IARS2: variants seen among roughly 807,000 people sequenced by gnomAD.
The protein encoded by IARS2 is isoleucyl-tRNA synthetase 2, mitochondrial.
Under a neutral mutation model 126.3 loss-of-function variants are expected in IARS2, and 56 were observed. That is an observed-to-expected ratio of 0.44 (90% CI 0.36 to 0.55). The LOEUF (loss-of-function observed/expected upper bound fraction) is 0.55. Ranked by LOEUF, IARS2 falls within the 20% of genes least tolerant of loss-of-function variation. The pLI is 0.00. For missense variants in IARS2, 1,127 were observed against 1,245.9 expected, an observed-to-expected ratio of 0.90 and a Z score of 1.44; for synonymous variants, 407 against 441.1, an observed-to-expected ratio of 0.92 and a Z score of 0.97.
rs770248468 is a variant in IARS2 at position 220,110,772 on chromosome 1, T to A, written c.1328-14T>A. ...TTTTTAATTATGTCTAATTTGGTGTTTTTTTTTTTAAAGTTATAAAGATGC... is the reference window on the plus strand; with the variant it reads ...TTTTTAATTATGTCTAATTTGGTGTATTTTTTTTTAAAGTTATAAAGATGC... On this transcript the variant is annotated splice_polypyrimidine_tract_variant and intron_variant, in intron 10 of 22. Transcript: ENST00000366922. 4 of 1,541,834 alleles carry A rather than the reference T, an allele frequency of 2.6e-6. No individual in the cohort carries two copies. The Admixed American group carries it at 8.0e-5, about 31-fold the overall frequency.
At position 220,147,819 on chromosome 1, in the gene IARS2, G is replaced by GTATA. The variant is rs1657638068; in HGVS notation, c.*189_*192dup. Reference sequence around the variant, plus strand: ...TTCCTGTAACTATAGAAAGAATTATGTATATATACATGCAGAAATATATAT... The same window carrying GTATA: ...TTCCTGTAACTATAGAAAGAATTATGTATATATATATACATGCAGAAATATATAT... On this transcript the variant is annotated 3_prime_UTR_variant, in exon 23 of 23. Coordinates refer to ENST00000366922, the MANE Select transcript of IARS2 (RefSeq NM_018060.4). 1 of 598,654 alleles carries GTATA rather than the reference G, an allele frequency of 1.7e-6. No individual in the cohort carries two copies. Among genetic ancestry groups the GTATA allele is most frequent in the Admixed American group, 3.0e-5 (1 of 33,608 alleles). The allele number at this position is 598,654 out of a possible 1,614,324, so 37.1% of individuals were successfully genotyped here.
rs1358359350 is a variant in IARS2 at position 220,094,311 on chromosome 1, G to T, written c.95G>T (p.Gly32Val). 6.2e-7 allele frequency: 1 copy of T among 1,612,596 alleles called. No homozygotes were observed. Among genetic ancestry groups the T allele is most frequent in the East Asian group, 2.2e-5 (1 of 44,830 alleles). ...ACGCCCCGCCTTCCCTGCAGCCCGG[G>T]ATGGCAAGGGGCGACGAAGAGGCTT... Reference protein sequence around the residue: ...WGTPRLPCSPGWQGATKRLLV... With the variant: ...WGTPRLPCSPVWQGATKRLLV... Residue 32 changes from glycine (G) to valine (V), a missense_variant, in exon 1 of 23, where the codon GGA (glycine) becomes GTA (valine). Gly to Val is a moderately radical substitution (Grantham distance 109, BLOSUM62 -3). Coordinates refer to ENST00000366922, the MANE Select transcript of IARS2 (RefSeq NM_018060.4).
In IARS2 at chr1:220,099,056, C is replaced by A. The variant is rs577718965; in HGVS notation, c.391-1434C>A. 2.0e-4 allele frequency among the ~76,000 whole-genome samples: 31 copies of A among 151,350 alleles called. 1 individual carries two copies. Among genetic ancestry groups the A allele is most frequent in the South Asian group, 1.3e-3 (6 of 4,788 alleles). On this transcript the variant is annotated intron_variant, in intron 2 of 22. Transcript: ENST00000366922. The stretch of plus-strand genomic sequence containing the variant: ...TAAAACCCCCTCTCTACTGAAAATA[C>A]AAAAAAATTAGCTGGGCATGGTGGC...
Position 220,139,068 on chromosome 1 carries a change from T to G in IARS2, c.2236T>G (p.Ser746Ala). Reference sequence around the variant, plus strand: ...GGCTGATTTCAACCCAGAAACAGATTCCATCCCTGTAAACGATATGTATGT... The same window carrying G: ...GGCTGATTTCAACCCAGAAACAGATGCCATCCCTGTAAACGATATGTATGT... The part of the protein sequence containing the change: ...NVADFNPETD[S>A]IPVNDMYVID... The change falls in exon 18 of 23, where the codon TCC becomes GCC. Residue 746 changes from serine to alanine, a missense_variant. Ser to Ala is a moderately conservative substitution (Grantham distance 99). Coordinates refer to ENST00000366922, the MANE Select transcript of IARS2 (RefSeq NM_018060.4). The G allele has an allele frequency of 6.2e-7, 1 of 1,613,114 alleles. No individual in the cohort carries two copies. Among genetic ancestry groups the G allele is most frequent in the Non-Finnish European group, 8.5e-7 (1 of 1,179,122 alleles).
At position 220,109,015 on chromosome 1, in the gene IARS2, A is replaced by C. The variant is rs1656745683; in HGVS notation, c.1328-1771A>C. On this transcript the variant is annotated intron_variant, in intron 10 of 22. Coordinates refer to ENST00000366922, the MANE Select transcript of IARS2 (RefSeq NM_018060.4). Reference sequence around the variant, plus strand: ...ATCAAAGGACAGTACGTTTTAAGCCAGTATGCTGCAGGATGTACACCTGAC... The same window carrying C: ...ATCAAAGGACAGTACGTTTTAAGCCCGTATGCTGCAGGATGTACACCTGAC... 2.0e-5 allele frequency among the ~76,000 whole-genome samples: 3 copies of C among 152,056 alleles called. No homozygotes were observed. The South Asian group carries it at 6.2e-4, about 32-fold the overall frequency.
At chr1:220,113,496 A>G (rs1009904628) in intron 11 of IARS2, among the ~76,000 whole-genome samples, 3 of 152,178 alleles carry the variant, frequency 2.0e-5, no homozygotes, top group Non-Finnish European at 4.4e-5. Context: ...ATTAGTAAAC[A>G]TTTTTGCTAT....
At chr1:220,141,988 C>G in intron 20 of IARS2, 40 bp downstream of exon 20, 1 of 1,588,068 alleles carries the variant, frequency 6.3e-7, no homozygotes, top group African/African-American at 1.3e-5. Context: ...GAGAAATATC[C>G]CTGATCAAGG....
intron 2 of IARS2, 119 bp downstream of exon 2, chr1:220,096,345 C>T (rs1032158547): frequency 1.4e-6 from 1 of 718,632 alleles, no homozygotes; most frequent in East Asian, 3.0e-5. Flanking sequence ...AAAACTAAAA[C>T]ATTTTCATAG....
rs148565915 is a variant in IARS2 at position 220,111,576 on chromosome 1, G to GTATA, written c.1479+659_1479+662dup. Among the ~76,000 whole-genome samples the GTATA allele has an allele frequency of 9.4e-3, 1,316 of 139,472 alleles. 12 individuals carry two copies. The highest frequency in any genetic ancestry group is 0.024 in the African/African-American group (901 of 36,822). 91.5% of individuals were successfully genotyped at this position (139,472 alleles called of 152,430 possible). On this transcript the variant is annotated intron_variant, in intron 11 of 22. Coordinates refer to ENST00000366922, the MANE Select transcript of IARS2 (RefSeq NM_018060.4). ...ATTTAATATGTATCTTTCTATATGGGTATATATATATATATATATATATGT... is the reference window on the plus strand; with the variant it reads ...ATTTAATATGTATCTTTCTATATGGGTATATATATATATATATATATATATATGT...
Position 220,147,793 on chromosome 1 carries a change from T to A in IARS2, c.*158T>A. On this transcript the variant is annotated 3_prime_UTR_variant, in exon 23 of 23. Coordinates refer to ENST00000366922, the MANE Select transcript of IARS2 (RefSeq NM_018060.4). Reference sequence around the variant, plus strand: ...CAAAATCAGAATTATAGAAGAAGTATTTCCTGTAACTATAGAAAGAATTAT... The same window carrying A: ...CAAAATCAGAATTATAGAAGAAGTAATTCCTGTAACTATAGAAAGAATTAT... 7.6e-6 allele frequency: 5 copies of A among 654,742 alleles called. No homozygotes were observed. The Admixed American group carries it at 1.2e-4, about 15-fold the overall frequency. The allele number at this position is 654,742 out of a possible 1,614,324, so 40.6% of individuals were successfully genotyped here. A position where few individuals can be genotyped will look rare whatever the true frequency, so the allele number is the denominator to read the frequency against.
chr1:220,118,641 C>T (rs907659673), intron 12 of IARS2, among the ~76,000 whole-genome samples: 1 of 152,088 alleles, frequency 6.6e-6, no homozygotes, highest in African/African-American at 2.4e-5. Flanking sequence ...TCATTTCAAA[C>T]AGTTATAATC....
intron 12 of IARS2, 58 bp from the exon 13 acceptor site, chr1:220,125,179 G>GT: frequency 1.0e-6 from 1 of 967,828 alleles, no homozygotes; most frequent in Non-Finnish European, 1.5e-6. Context: ...ATTTTAAAAT[G>GT]TTTGTTATTC....
chr1:220,146,503 G>A lies in IARS2; in HGVS notation c.2896+850G>A, dbSNP rs567890505. Among the ~76,000 whole-genome samples, 646 of 130,152 alleles carry A rather than the reference G, an allele frequency of 5.0e-3. 3 individuals are homozygous for A. The highest frequency in any genetic ancestry group is 6.1e-3 in the Non-Finnish European group (398 of 64,994). The allele number at this position is 130,152 out of a possible 152,430, so 85.4% of individuals were successfully genotyped here. A position where few individuals can be genotyped will look rare whatever the true frequency, so the allele number is the denominator to read the frequency against. ...ACTGCACTCCAGCCTGGGCGACAGA[G>A]CGAGACTCCGTCTCAAAAAAAAAAA... On this transcript the variant is annotated intron_variant, in intron 22 of 22. Transcript: ENST00000366922.
intron 11 of IARS2, among the ~76,000 whole-genome samples, chr1:220,113,597 A>C (rs1264455238): frequency 6.7e-6 from 1 of 150,040 alleles, no homozygotes; most frequent in Non-Finnish European, 1.5e-5. Context: ...CTTTCTTGAG[A>C]GGAAGTAACT....
intron 18 of IARS2, 110 bp downstream of exon 18, chr1:220,139,249 G>GT: frequency 1.4e-6 from 1 of 730,490 alleles, no homozygotes; most frequent in Non-Finnish European, 2.1e-6. Flanking sequence ...AGTAACTATA[G>GT]CACTCTTGAA....
At chr1:220,143,956 C>G in intron 21 of IARS2, 1 of 1,315,830 alleles carries the variant, frequency 7.6e-7, no homozygotes, top group Non-Finnish European at 1.1e-6. Context: ...TGTATTACAT[C>G]CCTAGAAAAA....
chr1:220,123,354 T>C (rs1001179270), intron 12 of IARS2, among the ~76,000 whole-genome samples: 1 of 152,200 alleles, frequency 6.6e-6, no homozygotes, highest in East Asian at 1.9e-4. Context: ...TCATTATAAG[T>C]TCTTCAAAGT....
rs1368575100 is a variant in IARS2, at chr1:220,132,525, CT to C, written c.1838-1859del. Among the ~76,000 whole-genome samples the C allele has an allele frequency of 3.7e-3, 480 of 128,964 alleles. 1 individual carries two copies. Among genetic ancestry groups the C allele is most frequent in the African/African-American group, 0.011 (382 of 35,240 alleles). The allele number at this position is 128,964 out of a possible 152,430, so 84.6% of individuals were successfully genotyped here. On this transcript the variant is annotated intron_variant, in intron 14 of 22. Transcript: ENST00000366922. Reference sequence around the variant, plus strand: ...TCTGTTGTATGTCACCTTTCTCTCTCTTTTTTTTTTTTTTTTTTGAGATGGA... The same window carrying C: ...TCTGTTGTATGTCACCTTTCTCTCTCTTTTTTTTTTTTTTTTTGAGATGGA...
intron 2 of IARS2, among the ~76,000 whole-genome samples, chr1:220,099,439 G>T (rs1656520439): frequency 6.6e-6 from 1 of 152,064 alleles, no homozygotes; most frequent in Admixed American, 6.6e-5. Context: ...TTTGAAATCA[G>T]GTATATATTT....
Sources: gnomAD v4.1 joint callset for allele counts (sites outside exome capture counted in the v4.1 genomes callset) on GRCh38, gnomAD v4.1.1 for gene constraint, MANE v1.5 for transcripts, NCBI Gene and HGNC (gene_info 2026-07-23, HGNC 2026-07-21) for gene names.